TMOD3: variants seen among roughly 807,000 people sequenced by gnomAD.
The protein encoded by TMOD3 is tropomodulin 3.
Under a neutral mutation model 39.2 loss-of-function variants are expected in TMOD3, and 20 were observed. The observed-to-expected ratio is 0.51, with a 90% confidence interval of 0.36 to 0.74. The LOEUF (loss-of-function observed/expected upper bound fraction) is 0.74. Ranked by LOEUF, TMOD3 falls within the 30% of genes least tolerant of loss-of-function variation. The pLI, the probability that TMOD3 is intolerant of heterozygous loss-of-function variation, is 0.00. For missense variants in TMOD3, 381 were observed against 412.8 expected (o/e 0.92, Z 0.67); for synonymous variants, 143 against 145.8 (o/e 0.98, Z 0.14).
Position 51,915,701 on chromosome 15 carries a change from TA to T in TMOD3, c.*6894del, listed in dbSNP as rs2056729676. 1 of 152,198 alleles carries T rather than the reference TA, an allele frequency of 6.6e-6. No individual in the cohort carries two copies. The highest frequency in any genetic ancestry group is 2.4e-5 in the African/African-American group (1 of 41,436). 9.4% of individuals were successfully genotyped at this position (152,198 alleles called of 1,614,324 possible). The stretch of plus-strand genomic sequence containing the variant: ...TATATACTGGGATAAATCGTTTCAA[TA>T]AAGTTTATCAAATATTCTGTAAACT... On this transcript the variant is annotated 3_prime_UTR_variant, in exon 10 of 10. Transcript: ENST00000308580.
intron 1 of TMOD3, among the ~76,000 whole-genome samples, chr15:51,832,203 T>TTTTATATATATATATATATATATA (rs371264278): frequency 3.8e-5 from 3 of 79,350 alleles, no homozygotes; most frequent in African/African-American, 8.2e-5. Flanking sequence ...AGAAAAAAAA[T>TTTTATATATATATATATATATATA]TATATATATA....
At chr15:51,894,200 T>C (rs1299032020) in intron 6 of TMOD3, among the ~76,000 whole-genome samples, 1 of 152,200 alleles carries the variant, frequency 6.6e-6, no homozygotes, top group Non-Finnish European at 1.5e-5. Flanking sequence ...ATCTCAGGTT[T>C]TCTAAATACT....
rs2056676363 is a variant in TMOD3 at position 51,905,907 on chromosome 15, GCAGTCCGCAGTCCGGCCTGGGCA to G, written c.1025-2868_1025-2846del. ...TGCAGTGAGCCGAGATTGCGCCACT[GCAGTCCGCAGTCCGGCCTGGGCA>G]ACAGAGCGAGACTCCGTCTCAAAAA... is the stretch of plus-strand genomic sequence containing the variant. On this transcript the variant is annotated intron_variant, in intron 9 of 9. Transcript: ENST00000308580. 2.5e-5 allele frequency among the ~76,000 whole-genome samples: 3 copies of G among 119,836 alleles called. No homozygotes were observed. The East Asian group carries it at 7.5e-4, about 30-fold the overall frequency. 78.6% of individuals were successfully genotyped at this position (119,836 alleles called of 152,430 possible).
At chr15:51,906,785 C>T (rs1327533552) in intron 9 of TMOD3, among the ~76,000 whole-genome samples, 4 of 152,162 alleles carry the variant, frequency 2.6e-5, no homozygotes, top group Admixed American at 2.0e-4. Context: ...CTTTGGGAGG[C>T]TGAGGCAGGC....
chr15:51,855,963 A>C (rs1222819334), intron 1 of TMOD3, among the ~76,000 whole-genome samples: 3 of 152,224 alleles, frequency 2.0e-5, no homozygotes, highest in African/African-American at 7.2e-5. Flanking sequence ...ATCTGAGGAA[A>C]GAATGCTAGT....
intron 3 of TMOD3, among the ~76,000 whole-genome samples, chr15:51,869,647 A>G (rs2056465189): frequency 6.6e-6 from 1 of 152,226 alleles, no homozygotes; most frequent in Non-Finnish European, 1.5e-5. Context: ...CTAAAAGTAT[A>G]TTGAAGGAAA....
intron 5 of TMOD3, among the ~76,000 whole-genome samples, chr15:51,891,983 A>G (rs1205104893): frequency 6.6e-6 from 1 of 152,172 alleles, no homozygotes; most frequent in East Asian, 1.9e-4. Context: ...TTTAATAGGT[A>G]CTTCTCCAGA....
rs150292861 is a variant in TMOD3 at position 51,833,700 on chromosome 15, T to G, written c.-75+3864T>G. Among the ~76,000 whole-genome samples the G allele has an allele frequency of 1.4e-3, 216 of 152,342 alleles. 11 individuals are homozygous for G. The highest frequency in any genetic ancestry group is 9.8e-3 in the East Asian group (51 of 5,194). On this transcript the variant is annotated intron_variant, in intron 1 of 9. Transcript: ENST00000308580. ...TTGGCAAGTATCAGTGGTTTGTCCT[T>G]TTAAGTTGTTGAATAGTATTCCATT...
chr15:51,850,615 C>CAGT, intron 1 of TMOD3, among the ~76,000 whole-genome samples: 1 of 152,120 alleles, frequency 6.6e-6, no homozygotes, highest in East Asian at 1.9e-4. Flanking sequence ...AATTATTAGG[C>CAGT]AGTACTCTTT....
At chr15:51,864,001 C>G (rs1890453766) in intron 2 of TMOD3, among the ~76,000 whole-genome samples, 1 of 152,116 alleles carries the variant, frequency 6.6e-6, no homozygotes, top group African/African-American at 2.4e-5. Flanking sequence ...GCTGGGTGCT[C>G]ACGCCTATAA....
chr15:51,852,163 G>T (rs564267026), intron 1 of TMOD3, among the ~76,000 whole-genome samples: 1 of 152,168 alleles, frequency 6.6e-6, no homozygotes, highest in Non-Finnish European at 1.5e-5. Context: ...AATTCATGGC[G>T]TAGGAAATGT....
chr15:51,888,718 T>C (rs1436762516), intron 4 of TMOD3, among the ~76,000 whole-genome samples: 1 of 152,182 alleles, frequency 6.6e-6, no homozygotes, highest in Non-Finnish European at 1.5e-5. Flanking sequence ...CCTAGAAACC[T>C]TGTGAAATTA....
chr15:51,900,451 A>G (rs936528297), intron 8 of TMOD3, among the ~76,000 whole-genome samples, 153 bp downstream of exon 8: 7 of 152,178 alleles, frequency 4.6e-5, no homozygotes, highest in African/African-American at 1.7e-4. Flanking sequence ...GGGTATCTAG[A>G]ATATTAACTC....
intron 3 of TMOD3, among the ~76,000 whole-genome samples, chr15:51,877,450 C>T (rs1445468003): frequency 1.3e-5 from 2 of 152,054 alleles, no homozygotes; most frequent in African/African-American, 2.4e-5. Flanking sequence ...GAGGCCGAGG[C>T]AGGTGGATCA....
chr15:51,875,573 G>C (rs2056497872), intron 3 of TMOD3, among the ~76,000 whole-genome samples: 1 of 149,596 alleles, frequency 6.7e-6, no homozygotes, highest in Non-Finnish European at 1.5e-5. Flanking sequence ...CTTTCCTCCA[G>C]CATTTCTCCA....
intron 1 of TMOD3, among the ~76,000 whole-genome samples, chr15:51,836,723 C>CAAA (rs760890596): frequency 7.7e-6 from 1 of 129,286 alleles, no homozygotes; most frequent in East Asian, 2.3e-4. Context: ...TGCTCCGTCT[C>CAAA]AAAAAAAAAA....
chr15:51,850,808 C>T (rs1354333846), intron 1 of TMOD3, among the ~76,000 whole-genome samples: 2 of 152,138 alleles, frequency 1.3e-5, no homozygotes, highest in Non-Finnish European at 2.9e-5. Flanking sequence ...GCGATCTCGG[C>T]TCACTGTAAC....
At chr15:51,862,738 T>C (rs181390347) in intron 1 of TMOD3, 73 bp from the exon 2 acceptor site, 4 of 629,304 alleles carry the variant, frequency 6.4e-6, no homozygotes, top group African/African-American at 5.6e-5. Context: ...ACATTTCACT[T>C]AACCTGAGAA....
intron 3 of TMOD3, among the ~76,000 whole-genome samples, chr15:51,871,570 C>T (rs1284632012): frequency 6.6e-6 from 1 of 152,034 alleles, no homozygotes; most frequent in South Asian, 2.1e-4. Flanking sequence ...TGCATTTGTC[C>T]CAGGCTAACC....
Sources: allele counts gnomAD v4.1 joint callset (sites outside exome capture counted in the v4.1 genomes callset), GRCh38; gene constraint gnomAD v4.1.1; transcripts MANE v1.5; gene names NCBI Gene and HGNC (gene_info 2026-07-23, HGNC 2026-07-21).